ANKS1B: variants seen among roughly 807,000 people sequenced by gnomAD.
The protein encoded by ANKS1B is ankyrin repeat and sterile alpha motif domain containing 1B, also known as ankyrin repeat and sterile alpha motif domain-containing protein 1B.
A neutral mutation model predicts 148.3 loss-of-function variants in ANKS1B; 36 were observed. The observed-to-expected ratio is 0.24, with a 90% CI of 0.19 to 0.32. ANKS1B has a LOEUF of 0.32. ANKS1B is among the 10% of genes least tolerant of loss of function. The pLI, the probability that ANKS1B is intolerant of heterozygous loss-of-function variation, is 1.00. For synonymous variants in ANKS1B, 542 were observed against 560.8 expected, an observed-to-expected ratio of 0.97 and a Z score of 0.47; for missense variants, 1,157 against 1,542.6, an observed-to-expected ratio of 0.75 and a Z score of 4.19.
At chr12:99,714,962 T>C (rs553105994) in intron 8 of ANKS1B, among the ~76,000 whole-genome samples, 79 of 116,486 alleles carry the variant, frequency 6.8e-4, no homozygotes, top group Admixed American at 2.5e-3. Flanking sequence ...CTATTAAAAA[T>C]ACAAAAAAAA....
chr12:99,424,622 AACACACACAC>A (rs200308044), intron 11 of ANKS1B, among the ~76,000 whole-genome samples: 1 of 147,362 alleles, frequency 6.8e-6, no homozygotes, highest in African/African-American at 2.5e-5. Flanking sequence ...AGGTAGCAGA[AACACACACAC>A]ACACACACAC....
intron 17 of ANKS1B, among the ~76,000 whole-genome samples, chr12:99,024,767 A>G (rs759553128): frequency 2.6e-5 from 4 of 152,130 alleles, no homozygotes; most frequent in Non-Finnish European, 4.4e-5. Flanking sequence ...CGTACTTTAG[A>G]TTTGCAAATT....
chr12:99,203,056 C>G (rs1384271740), intron 14 of ANKS1B, among the ~76,000 whole-genome samples: 1 of 152,194 alleles, frequency 6.6e-6, no homozygotes, highest in Non-Finnish European at 1.5e-5. Context: ...AAAGAGCCAG[C>G]CTAGATTCAA....
intron 12 of ANKS1B, among the ~76,000 whole-genome samples, chr12:99,317,214 G>C (rs1363045602): frequency 6.6e-6 from 1 of 152,202 alleles, no homozygotes; most frequent in Non-Finnish European, 1.5e-5. Context: ...GAAAGTCATT[G>C]GTAGCTTGAT....
intron 9 of ANKS1B, among the ~76,000 whole-genome samples, chr12:99,552,983 A>C (rs1224295439): frequency 2.0e-5 from 3 of 152,224 alleles, no homozygotes; most frequent in Non-Finnish European, 2.9e-5. Flanking sequence ...TGGTTGATGA[A>C]TCCATGAATG....
intron 1 of ANKS1B, among the ~76,000 whole-genome samples, chr12:99,904,399 C>T (rs995267619): frequency 1.3e-5 from 2 of 151,978 alleles, no homozygotes; most frequent in Non-Finnish European, 1.5e-5. Flanking sequence ...ACCATGTTGG[C>T]CATGCTGGTC....
chr12:98,802,682 G>A lies in ANKS1B; in HGVS notation c.3142-1557C>T, dbSNP rs189838137. The stretch of plus-strand genomic sequence containing the variant: ...TCCTTGAGATGGGTCACTTCGACTC[G>A]CAGAAGAGCAAAGTTAGCATCACGC... On this transcript the variant is annotated intron_variant, in intron 20 of 26. Transcript: ENST00000683438. Among the ~76,000 whole-genome samples, 520 of 128,730 alleles carry A rather than the reference G, an allele frequency of 4.0e-3. 4 individuals are homozygous for A. Among genetic ancestry groups the A allele is most frequent in the African/African-American group, 0.014 (475 of 33,458 alleles). The allele number at this position is 128,730 out of a possible 152,430, so 84.5% of individuals were successfully genotyped here.
At chr12:98,927,311 A>C (rs1044005665) in intron 17 of ANKS1B, among the ~76,000 whole-genome samples, 2 of 152,156 alleles carry the variant, frequency 1.3e-5, no homozygotes, top group African/African-American at 4.8e-5. Flanking sequence ...AGGGAATCTT[A>C]TCACTAGCAG....
intron 14 of ANKS1B, among the ~76,000 whole-genome samples, chr12:99,164,699 T>A (rs1035586887): frequency 2.6e-5 from 4 of 152,098 alleles, no homozygotes; most frequent in African/African-American, 7.2e-5. Flanking sequence ...TACAACCACA[T>A]GTGATCTCTG....
intron 12 of ANKS1B, among the ~76,000 whole-genome samples, chr12:99,338,185 C>A (rs967579682): frequency 1.3e-5 from 2 of 152,142 alleles, no homozygotes; most frequent in African/African-American, 4.8e-5. Context: ...GAGTCAGAAT[C>A]CTTAGGAATC....
chr12:98,990,962 C>A (rs1284088602), intron 17 of ANKS1B, among the ~76,000 whole-genome samples: 1 of 152,130 alleles, frequency 6.6e-6, no homozygotes, highest in Non-Finnish European at 1.5e-5. Context: ...CAGATCTGCA[C>A]CTGAACCGAG....
At chr12:99,426,141 AGTT>A (rs2095250398) in intron 11 of ANKS1B, among the ~76,000 whole-genome samples, 1 of 152,102 alleles carries the variant, frequency 6.6e-6, no homozygotes, top group African/African-American at 2.4e-5. Context: ...TGTCTCTCAG[AGTT>A]GTTATTAATC....
intron 20 of ANKS1B, among the ~76,000 whole-genome samples, chr12:98,804,419 ATTT>A (rs34963949): frequency 6.9e-6 from 1 of 145,196 alleles, no homozygotes; most frequent in African/African-American, 2.5e-5. Context: ...ACCCCTGCCT[ATTT>A]TTTTTTTTTT....
intron 14 of ANKS1B, among the ~76,000 whole-genome samples, chr12:99,221,204 G>T (rs2085079435): frequency 6.6e-6 from 1 of 152,082 alleles, no homozygotes; most frequent in Non-Finnish European, 1.5e-5. Context: ...GCCAGGCATG[G>T]TGGCGGGCAC....
At chr12:99,352,645 C>T (rs1443150440) in intron 12 of ANKS1B, among the ~76,000 whole-genome samples, 1 of 151,988 alleles carries the variant, frequency 6.6e-6, no homozygotes, top group Admixed American at 6.6e-5. Flanking sequence ...ATTAATATAT[C>T]TTGAGAGGCC....
chr12:99,233,409 T>TC (rs768856326), intron 14 of ANKS1B, among the ~76,000 whole-genome samples: 14 of 152,122 alleles, frequency 9.2e-5, no homozygotes, highest in Admixed American at 4.6e-4. Context: ...CTTCAAAACC[T>TC]GTTATCTGAA....
intron 8 of ANKS1B, among the ~76,000 whole-genome samples, chr12:99,666,108 T>C (rs2098505480): frequency 6.6e-6 from 1 of 152,238 alleles, no homozygotes; most frequent in Non-Finnish European, 1.5e-5. Flanking sequence ...GCAGTTTTTT[T>C]GAAAATCAAT....
intron 17 of ANKS1B, among the ~76,000 whole-genome samples, chr12:98,930,579 A>G (rs1409746298): frequency 6.6e-6 from 1 of 152,198 alleles, no homozygotes; most frequent in Admixed American, 6.5e-5. Flanking sequence ...GTGTATCTAT[A>G]TGATGGGATA....
chr12:99,535,352 C>T (rs2097055120), intron 9 of ANKS1B, among the ~76,000 whole-genome samples: 4 of 152,152 alleles, frequency 2.6e-5, no homozygotes, highest in Admixed American at 2.6e-4. Flanking sequence ...TGTCCCACGT[C>T]CATGTTAAAC....
Sources: allele counts gnomAD v4.1 joint callset (sites outside exome capture counted in the v4.1 genomes callset), GRCh38; gene constraint gnomAD v4.1.1; transcripts MANE v1.5; gene names NCBI Gene and HGNC (gene_info 2026-07-23, HGNC 2026-07-21).